The following EIF3L variants were observed in gnomAD, a reference collection of about 807,000 sequenced individuals.
EIF3L encodes the protein eukaryotic translation initiation factor 3 subunit L, also known as eIEF associated protein HSPC021.
In EIF3L, 32 loss-of-function variants were observed where a neutral mutation model predicts 74.6. The observed-to-expected ratio is 0.43, with a 90% CI of 0.32 to 0.58. The LOEUF is 0.58. EIF3L is among the 20% of genes least tolerant of loss of function. The probability of loss-of-function intolerance (pLI) is 0.06; values close to 1 mark genes in which losing one functional copy is unlikely to be tolerated. For missense variants in EIF3L, 474 were observed against 707.8 expected (o/e 0.67, Z 3.75); for synonymous variants, 256 against 254.4 (o/e 1.01, Z -0.06).
At chr22:37,860,900 C>T (rs141179716) in intron 5 of EIF3L, among the ~76,000 whole-genome samples, 1 of 152,234 alleles carries the variant, frequency 6.6e-6, no homozygotes, top group Non-Finnish European at 1.5e-5. Flanking sequence ...TTACTAATTC[C>T]AGGTTTTAGC....
intron 5 of EIF3L, among the ~76,000 whole-genome samples, chr22:37,859,820 A>G (rs1271456742): frequency 2.0e-5 from 3 of 152,040 alleles, no homozygotes; most frequent in East Asian, 3.9e-4. Context: ...CCTGGCCAAC[A>G]TGGAGAAACC....
chr22:37,861,709 C>T (rs1925867639), intron 5 of EIF3L, among the ~76,000 whole-genome samples: 1 of 152,044 alleles, frequency 6.6e-6, no homozygotes, highest in African/African-American at 2.4e-5. Context: ...TAAAGATTCC[C>T]TACTACCATT....
intron 5 of EIF3L, among the ~76,000 whole-genome samples, chr22:37,861,597 T>A (rs963939957): frequency 6.6e-6 from 1 of 151,666 alleles, no homozygotes; most frequent in Non-Finnish European, 1.5e-5. Flanking sequence ...GACGGAAGAA[T>A]CACTTGACCC....
chr22:37,871,694 C>T (rs541238805), intron 8 of EIF3L, among the ~76,000 whole-genome samples: 106 of 152,012 alleles, frequency 7.0e-4, no homozygotes, highest in Non-Finnish European at 1.2e-3. Flanking sequence ...ATGGTGAAAC[C>T]TCATCTCTAC....
Position 37,855,622 on chromosome 22 carries a change from CATT to C in EIF3L, c.352_354del (p.Ile118del). The C allele has an allele frequency of 6.2e-7, 1 of 1,614,020 alleles. No individual in the cohort carries two copies. Among genetic ancestry groups the C allele is most frequent in the Non-Finnish European group, 8.5e-7 (1 of 1,179,962 alleles). Reference sequence around the variant, plus strand: ...ATACACCTTGGCCCGAGGCTGAAGCCATTGCTCCACAGGTTGGCAATGGTAGGT... The same window carrying C: ...ATACACCTTGGCCCGAGGCTGAAGCCGCTCCACAGGTTGGCAATGGTAGGT... On this transcript the variant is annotated inframe_deletion, in exon 4 of 13. Coordinates refer to ENST00000652021, the MANE Select transcript of EIF3L (RefSeq NM_016091.4).
At chr22:37,855,857 T>C (rs542997790) in intron 4 of EIF3L, among the ~76,000 whole-genome samples, 8 of 152,254 alleles carry the variant, frequency 5.3e-5, no homozygotes, top group Non-Finnish European at 8.8e-5. Context: ...TTTAGATCTT[T>C]GTACTGACTT....
intron 3 of EIF3L, among the ~76,000 whole-genome samples, chr22:37,853,111 C>T (rs1276359775): frequency 6.6e-6 from 1 of 151,776 alleles, no homozygotes; most frequent in Admixed American, 6.6e-5. Context: ...AAAATGCTAC[C>T]GATGATGAGT....
chr22:37,863,353 GTCAGCT>G lies in EIF3L; in HGVS notation c.579+14_579+19del, dbSNP rs781320528. On this transcript the variant is annotated intron_variant, in intron 7 of 12. Coordinates refer to ENST00000652021, the MANE Select transcript of EIF3L (RefSeq NM_016091.4). The stretch of plus-strand genomic sequence containing the variant: ...GATGAGTTCATCTACCAGGTATCTG[GTCAGCT>G]TCAGCCTAATTTGAAATAACTGGTC... 9 of 1,607,656 alleles carry G rather than the reference GTCAGCT, an allele frequency of 5.6e-6. No individual in the cohort carries two copies. The Admixed American group carries it at 1.5e-4, about 27-fold the overall frequency.
At chr22:37,859,374 C>CTTTTTTTTTTT (rs34020382) in intron 5 of EIF3L, among the ~76,000 whole-genome samples, 3,931 of 79,082 alleles carry the variant, frequency 0.05, 747 homozygotes, top group East Asian at 0.076. Context: ...CGTGAAGTTT[C>CTTTTTTTTTTT]TTTTTTTTTT....
chr22:37,879,366 A>C (rs1159266834), intron 11 of EIF3L: 1 of 152,398 alleles, frequency 6.6e-6, no homozygotes, highest in Non-Finnish European at 1.5e-5. Context: ...ATGGTGGCGC[A>C]TACCTGTAGT....
At chr22:37,869,645 G>T (rs1340839685) in intron 7 of EIF3L, among the ~76,000 whole-genome samples, 3 of 152,136 alleles carry the variant, frequency 2.0e-5, no homozygotes, top group Admixed American at 6.6e-5. Context: ...TCTTCTCTGT[G>T]TTCGTTGTGC....
rs1926737208 is a variant in EIF3L, at chr22:37,876,143, C to T, written c.1077+132C>T. ...GCCAGGAGTTCAAGACTGTAGAGCG[C>T]TCTGTGATTGTGCCTACTAATAGAT... On this transcript the variant is annotated intron_variant, in intron 10 of 12. Transcript: ENST00000652021. 5.2e-6 allele frequency: 5 copies of T among 952,872 alleles called. No homozygotes were observed. In the South Asian group the frequency reaches 8.5e-5, roughly 16 times the overall value. 59.0% of individuals were successfully genotyped at this position (952,872 alleles called of 1,614,324 possible).
At chr22:37,851,119 G>A (rs1925190709) in intron 2 of EIF3L, among the ~76,000 whole-genome samples, 161 bp from the exon 3 acceptor site, 1 of 152,104 alleles carries the variant, frequency 6.6e-6, no homozygotes, top group Non-Finnish European at 1.5e-5. Context: ...GAAGAAACAG[G>A]GACAACGAGA....
In EIF3L at chr22:37,886,845, G is replaced by C. The variant is rs1196481919; in HGVS notation, c.1656G>C (p.Glu552Asp). The change falls in exon 12 of 13, where the codon GAG (glutamate) becomes GAC (aspartate). Residue 552 changes from glutamate (E) to aspartate (D), a missense_variant and splice_region_variant. By Grantham distance (45) the Glu-to-Asp change is conservative. This residue lies in a region of EIF3L where 293 missense variants were observed against 469.1 expected (regional missense o/e 0.62). Coordinates refer to ENST00000652021, the MANE Select transcript of EIF3L (RefSeq NM_016091.4). ...FFIRQIHKFE[E>D]LNRTLKKMGQ... is the part of the protein sequence containing the mutation. ...TCCGTCAGATCCACAAATTTGAGGA[G>C]GTGAGAGATCTGAGAGAAGAGGGGT... The C allele has an allele frequency of 6.2e-7, 1 of 1,608,860 alleles. No individual in the cohort carries two copies. The highest frequency in any genetic ancestry group is 1.1e-5 in the South Asian group (1 of 90,958).
chr22:37,856,325 C>G (rs998390875), intron 4 of EIF3L, among the ~76,000 whole-genome samples: 1 of 152,098 alleles, frequency 6.6e-6, no homozygotes, highest in Admixed American at 6.6e-5. Context: ...GATTCGCCCA[C>G]CTCAGCCTCC....
intron 5 of EIF3L, among the ~76,000 whole-genome samples, 170 bp downstream of exon 5, chr22:37,858,910 G>C (rs1925690702): frequency 6.6e-6 from 1 of 151,942 alleles, no homozygotes; most frequent in African/African-American, 2.4e-5. Flanking sequence ...CCAGAAAGCT[G>C]TTCAGACACA....
In EIF3L at chr22:37,851,525, G is replaced by A. The variant is rs778146870; in HGVS notation, c.293+35G>A. ...ACTGGCTGAAAGGGCCTCTTTCTGGGTGGGACTGGCCTGGTAATATAGTTC... is the reference window on the plus strand; with the variant it reads ...ACTGGCTGAAAGGGCCTCTTTCTGGATGGGACTGGCCTGGTAATATAGTTC... On this transcript the variant is annotated intron_variant, in intron 3 of 12. Transcript: ENST00000652021. 11 of 1,553,830 alleles carry A rather than the reference G, an allele frequency of 7.1e-6. No individual in the cohort carries two copies. In the South Asian group the frequency reaches 1.1e-4, roughly 16 times the overall value.
chr22:37,851,296 C>A lies in EIF3L; in HGVS notation c.99C>A (p.Asp33Glu), dbSNP rs570948690. 1 of 1,614,072 alleles carries A rather than the reference C, an allele frequency of 6.2e-7. No individual in the cohort carries two copies. The highest frequency in any genetic ancestry group is 1.3e-5 in the African/African-American group (1 of 75,032). ...YDMHTGDPKQ[D>E]LAYERQYEQQ... ...AACCTCCAGGAGATCCAAAGCAGGA[C>A]CTTGCTTATGAACGTCAGTATGAAC... Residue 33 changes from aspartate to glutamate, a missense_variant, in exon 3 of 13, where the codon GAC becomes GAA. By Grantham distance (45) the Asp-to-Glu change is conservative. Around this residue, in one of 4 missense-constraint regions of EIF3L, gnomAD observed 141 missense variants for 197.7 expected, o/e 0.71. Coordinates refer to ENST00000652021, the MANE Select transcript of EIF3L (RefSeq NM_016091.4).
intron 4 of EIF3L, among the ~76,000 whole-genome samples, chr22:37,856,234 GC>G (rs1569111538): frequency 2.6e-5 from 4 of 151,620 alleles, no homozygotes; most frequent in Admixed American, 1.3e-4. Flanking sequence ...CCGCCACCAC[GC>G]CCAGCTAATT....
Sources: allele counts gnomAD v4.1 joint callset (sites outside exome capture counted in the v4.1 genomes callset), GRCh38; gene constraint gnomAD v4.1.1; regional missense constraint gnomAD v4.1.1; transcripts MANE v1.5; gene names NCBI Gene and HGNC (gene_info 2026-07-23, HGNC 2026-07-21).